The following FHL2 variants were observed in gnomAD, a reference collection of about 807,000 sequenced individuals.
The protein encoded by FHL2 is four and a half LIM domains protein 2.
A neutral mutation model predicts 32.7 loss-of-function variants in FHL2; 20 were observed. The observed-to-expected ratio is 0.61, with a 90% CI of 0.43 to 0.89. The LOEUF is 0.89. Ranked by LOEUF, FHL2 falls within the 40% of genes least tolerant of loss-of-function variation. FHL2 has a pLI of 0.00. For synonymous variants in FHL2, 123 were observed against 128.1 expected (o/e 0.96, Z 0.27); for missense variants, 311 against 358.6 (o/e 0.87, Z 1.07).
At chr2:105,395,870 C>T (rs1558714136) in intron 2 of FHL2, among the ~76,000 whole-genome samples, 1 of 152,184 alleles carries the variant, frequency 6.6e-6, no homozygotes, top group Admixed American at 6.5e-5. Flanking sequence ...GCGTGGGCCA[C>T]CGAAGGCTGA....
chr2:105,399,526 T>G, upstream of FHL2: 1 of 1,536,102 alleles, frequency 6.5e-7, no homozygotes, highest in Non-Finnish European at 8.7e-7. Flanking sequence ...CTTTACGAAA[T>G]GAACACCACA....
chr2:105,396,552 A>G, intron 2 of FHL2, 95 bp downstream of exon 2: 4 of 1,116,046 alleles, frequency 3.6e-6, no homozygotes, highest in Non-Finnish European at 5.4e-6. Context: ...TGGGCACCGC[A>G]TGGCCCAGTC....
At chr2:105,386,245 C>G in intron 3 of FHL2, 116 bp downstream of exon 3, 1 of 1,240,178 alleles carries the variant, frequency 8.1e-7, no homozygotes, top group Non-Finnish European at 1.1e-6. Flanking sequence ...CCACGCCCCT[C>G]AGAGGGGGCT....
chr2:105,410,909 C>A (rs2104655238), intron 1 of FHL2, among the ~76,000 whole-genome samples: 1 of 152,280 alleles, frequency 6.6e-6, no homozygotes, highest in South Asian at 2.1e-4. Context: ...TTTTAGGAAG[C>A]CAAGTGCTGC....
At position 105,399,029 on chromosome 2, in the gene FHL2, T is replaced by C; in HGVS notation, c.-263A>G. ...CTGGAGGGCGCGGGCGGCTGGTGGC[T>C]GCGGCTCCGCTGCCGGCCGAGTGGA... On this transcript the variant is annotated 5_prime_UTR_variant, in exon 1 of 7. Transcript: ENST00000530340. 1 of 1,495,112 alleles carries C rather than the reference T, an allele frequency of 6.7e-7. No individual in the cohort carries two copies. Among genetic ancestry groups the C allele is most frequent in the Non-Finnish European group, 8.9e-7 (1 of 1,125,192 alleles). 92.6% of individuals were successfully genotyped at this position (1,495,112 alleles called of 1,614,324 possible).
At chr2:105,424,020 A>G (rs974164552) in intron 1 of FHL2, among the ~76,000 whole-genome samples, 4 of 152,238 alleles carry the variant, frequency 2.6e-5, no homozygotes, top group Non-Finnish European at 5.9e-5. Context: ...GCCCAAATAG[A>G]CAAATGGGAT....
At chr2:105,370,504 G>A (rs914363115) in intron 4 of FHL2, among the ~76,000 whole-genome samples, 1 of 152,102 alleles carries the variant, frequency 6.6e-6, no homozygotes, top group African/African-American at 2.4e-5. Flanking sequence ...CGCGAGAGCC[G>A]GTAAACCCCA....
intron 4 of FHL2, among the ~76,000 whole-genome samples, chr2:105,370,574 G>GT (rs1680988856): frequency 6.6e-6 from 1 of 152,172 alleles, no homozygotes; most frequent in Admixed American, 6.5e-5. Flanking sequence ...ACTGACTTGT[G>GT]TGGGGGGTGT....
exon 1 of FHL2, chr2:105,438,451 C>A: frequency 1.0e-6 from 1 of 985,624 alleles, no homozygotes; most frequent in Non-Finnish European, 1.2e-6. Context: ...GCAGGGACAG[C>A]TGCTGTGCAG....
intron 5 of FHL2, among the ~76,000 whole-genome samples, chr2:105,365,770 A>G (rs2679879): frequency 0.16 from 24,872 of 151,842 alleles, 2,273 homozygotes; most frequent in South Asian, 0.22. Context: ...ACTTGAACCC[A>G]GAAAGCAGAG....
intron 1 of FHL2, among the ~76,000 whole-genome samples, chr2:105,406,745 A>C (rs754626212): frequency 6.6e-6 from 1 of 151,982 alleles, no homozygotes. Flanking sequence ...AATCCTGCGC[A>C]GGAGAGAGTC....
At chr2:105,376,500 A>G (rs369856382) in intron 3 of FHL2, 8 of 152,366 alleles carry the variant, frequency 5.3e-5, no homozygotes, top group South Asian at 2.1e-4. Flanking sequence ...CACCCAAAAC[A>G]GTAATCTGCC....
chr2:105,379,323 A>C (rs1681711230), intron 3 of FHL2, among the ~76,000 whole-genome samples: 1 of 152,220 alleles, frequency 6.6e-6, no homozygotes, highest in Non-Finnish European at 1.5e-5. Flanking sequence ...TAATGAGAAG[A>C]GTTGCCTCAA....
rs112533691 is a variant in FHL2 at position 105,373,736 on chromosome 2, G to A, written c.157-3C>T. On this transcript the variant is annotated splice_region_variant and splice_polypyrimidine_tract_variant and intron_variant, in intron 3 of 6. Transcript: ENST00000530340. ...TGCCGGTCCTTGTAAGACAAGTCCTGTGGGGCCAGACCACACAAGACAGTC... is the reference window on the plus strand; with the variant it reads ...TGCCGGTCCTTGTAAGACAAGTCCTATGGGGCCAGACCACACAAGACAGTC... 1 of 1,613,658 alleles carries A rather than the reference G, an allele frequency of 6.2e-7. No individual in the cohort carries two copies. Among genetic ancestry groups the A allele is most frequent in the Non-Finnish European group, 8.5e-7 (1 of 1,180,026 alleles).
At chr2:105,438,137 G>C (rs147339193) in intron 1 of FHL2, among the ~76,000 whole-genome samples, 309 of 152,294 alleles carry the variant, frequency 2.0e-3, no homozygotes, top group African/African-American at 7.1e-3. Flanking sequence ...CAATGAGCAG[G>C]GGTTCTCTAT....
chr2:105,388,249 C>T (rs978041709), intron 2 of FHL2, among the ~76,000 whole-genome samples: 2 of 152,142 alleles, frequency 1.3e-5, no homozygotes, highest in African/African-American at 4.8e-5. Context: ...ACATGTACCC[C>T]GAACCTAAAA....
intron 2 of FHL2, among the ~76,000 whole-genome samples, chr2:105,388,288 C>A (rs1056720552): frequency 6.6e-6 from 1 of 152,074 alleles, no homozygotes; most frequent in African/African-American, 2.4e-5. Context: ...GGTCTCCATG[C>A]CCGGCACACT....
intron 4 of FHL2, among the ~76,000 whole-genome samples, chr2:105,369,545 C>T (rs1407153942): frequency 1.3e-5 from 2 of 152,098 alleles, no homozygotes; most frequent in East Asian, 3.8e-4. Flanking sequence ...TGACACGCAG[C>T]GATCTTTTAA....
At chr2:105,408,860 T>C (rs1683711688) in intron 1 of FHL2, among the ~76,000 whole-genome samples, 1 of 152,204 alleles carries the variant, frequency 6.6e-6, no homozygotes, top group African/African-American at 2.4e-5. Context: ...AAGATTACTT[T>C]CTTCCCCTTT....
Sources: allele counts gnomAD v4.1 joint callset (sites outside exome capture counted in the v4.1 genomes callset), GRCh38; gene constraint gnomAD v4.1.1; transcripts MANE v1.5; gene names NCBI Gene and HGNC (gene_info 2026-07-23, HGNC 2026-07-21).